PCDHA13: variants seen among roughly 807,000 people sequenced by gnomAD.
PCDHA13 encodes the protein protocadherin alpha-13.
PCDHA13 carries 54 observed loss-of-function variants against 64.8 expected under a neutral mutation model. The ratio of observed to expected loss-of-function variants is 0.83; its 90% CI spans 0.67 to 1.04. The LOEUF (loss-of-function observed/expected upper bound fraction) is 1.04. PCDHA13 is among the 50% of genes least tolerant of loss of function. The pLI is 0.00. For missense variants in PCDHA13, 1,248 were observed against 1,254.3 expected (o/e 0.99, Z 0.08); for synonymous variants, 587 against 564.4 (o/e 1.04, Z -0.57).
chr5:140,938,977 A>C (rs1205824371), intron 1 of PCDHA13, among the ~76,000 whole-genome samples: 1 of 152,190 alleles, frequency 6.6e-6, no homozygotes, highest in Admixed American at 6.5e-5. Flanking sequence ...CATCAAGGCT[A>C]TCCTGGCTTT....
intron 1 of PCDHA13, among the ~76,000 whole-genome samples, chr5:140,922,023 T>TA (rs530025575): frequency 3.9e-5 from 6 of 151,968 alleles, no homozygotes; most frequent in African/African-American, 1.4e-4. Flanking sequence ...AAAATAAATA[T>TA]AAAAAATGTA....
At chr5:140,942,757 T>C (rs2093364947) in intron 1 of PCDHA13, among the ~76,000 whole-genome samples, 1 of 152,174 alleles carries the variant, frequency 6.6e-6, no homozygotes, top group South Asian at 2.1e-4. Context: ...ATAAATGAGA[T>C]GGCATAATGT....
At chr5:140,998,056 C>T (rs1162882949) in intron 3 of PCDHA13, among the ~76,000 whole-genome samples, 1 of 152,160 alleles carries the variant, frequency 6.6e-6, no homozygotes, top group Non-Finnish European at 1.5e-5. Context: ...GTGACATCAT[C>T]ATCAACAGAC....
At chr5:140,981,336 G>A (rs1332617891) in intron 2 of PCDHA13, among the ~76,000 whole-genome samples, 1 of 152,188 alleles carries the variant, frequency 6.6e-6, no homozygotes, top group Non-Finnish European at 1.5e-5. Context: ...CACTTTGGGA[G>A]GGTGAGGCAG....
intron 1 of PCDHA13, among the ~76,000 whole-genome samples, chr5:140,890,952 G>C (rs555852578): frequency 1.9e-4 from 29 of 152,236 alleles, no homozygotes; most frequent in African/African-American, 7.0e-4. Context: ...GGTGAGGAAT[G>C]ATTTCAGGTT....
chr5:140,906,702 T>C (rs1315678574), intron 1 of PCDHA13, among the ~76,000 whole-genome samples: 2 of 152,232 alleles, frequency 1.3e-5, no homozygotes, highest in African/African-American at 2.4e-5. Context: ...GGGCCATTTG[T>C]AGTCCTGCCT....
chr5:140,943,006 C>G (rs1314561126), intron 1 of PCDHA13, among the ~76,000 whole-genome samples: 1 of 151,932 alleles, frequency 6.6e-6, no homozygotes, highest in East Asian at 1.9e-4. Context: ...CCTGTAATCC[C>G]AGCACTTTGG....
Position 140,882,606 on chromosome 5 carries a change from C to T in PCDHA13, c.338C>T (p.Pro113Leu). The change falls in exon 1 of 4, where the codon CCT becomes CTT. Residue 113 changes from proline (P) to leucine (L), a missense_variant. Pro to Leu is a moderately conservative substitution (Grantham distance 98). Transcript: ENST00000289272. ...SIHLEVIVDR[P>L]LQVFHVEVKV... is the part of the protein sequence containing the mutation. ...CACCTGGAGGTGATCGTGGACAGGC[C>T]TCTGCAGGTTTTCCATGTGGAGGTG... 2 of 1,614,238 alleles carry T rather than the reference C, an allele frequency of 1.2e-6. No homozygotes were observed. The highest frequency in any genetic ancestry group is 1.7e-6 in the Non-Finnish European group (2 of 1,180,044).
intron 1 of PCDHA13, among the ~76,000 whole-genome samples, chr5:140,905,327 TG>T (rs2071747762): frequency 6.6e-6 from 1 of 152,202 alleles, no homozygotes; most frequent in Non-Finnish European, 1.5e-5. Context: ...TATGCTTTGT[TG>T]AAGATCAGTT....
chr5:140,901,069 T>C (rs1175492593), intron 1 of PCDHA13, among the ~76,000 whole-genome samples: 2 of 152,186 alleles, frequency 1.3e-5, no homozygotes, highest in Admixed American at 6.5e-5. Context: ...GATTTTTTTT[T>C]CTATAGAGTT....
chr5:140,917,936 A>G (rs155801), intron 1 of PCDHA13, among the ~76,000 whole-genome samples: 49,654 of 151,910 alleles, frequency 0.33, 8,386 homozygotes, highest in East Asian at 0.53. Context: ...GAAAAATAAT[A>G]TTGGTAGTTT....
At chr5:140,929,015 A>C (rs1563111690) in intron 1 of PCDHA13, 3 of 1,614,016 alleles carry the variant, frequency 1.9e-6, no homozygotes, top group African/African-American at 1.3e-5. Flanking sequence ...ACCAAGTTGC[A>C]CCAGAGCCCA....
intron 1 of PCDHA13, among the ~76,000 whole-genome samples, chr5:140,934,801 A>G (rs1470129792): frequency 1.3e-5 from 2 of 152,194 alleles, no homozygotes; most frequent in Non-Finnish European, 2.9e-5. Flanking sequence ...TATCTTTTTA[A>G]TGATCAAATT....
intron 1 of PCDHA13, among the ~76,000 whole-genome samples, chr5:140,897,595 A>C (rs2066215346): frequency 6.6e-6 from 1 of 152,132 alleles, no homozygotes; most frequent in Admixed American, 6.5e-5. Context: ...TCATTGTTGG[A>C]CATTTGGGTT....
chr5:140,988,193 A>G (rs528689173), intron 3 of PCDHA13, among the ~76,000 whole-genome samples: 4 of 152,192 alleles, frequency 2.6e-5, no homozygotes, highest in South Asian at 2.1e-4. Flanking sequence ...AGGTGTGTGC[A>G]TATCCTTATT....
intron 1 of PCDHA13, among the ~76,000 whole-genome samples, chr5:140,907,240 A>G (rs563432322): frequency 5.3e-5 from 8 of 152,310 alleles, no homozygotes; most frequent in Admixed American, 5.2e-4. Context: ...CCTAGTTGAC[A>G]TTGTAATTGT....
Position 140,882,939 on chromosome 5 carries a change from G to T in PCDHA13, c.671G>T (p.Gly224Val). ...GATGGAGGTAAACCCGAGCTGACTGGCACAGTTCAGCTGCTCATCACGATT... is the reference window on the plus strand; with the variant it reads ...GATGGAGGTAAACCCGAGCTGACTGTCACAGTTCAGCTGCTCATCACGATT... ...ASDGGKPELTGTVQLLITILD... is the reference protein window; with the variant it reads ...ASDGGKPELTVTVQLLITILD... Residue 224 changes from glycine (G) to valine (V), a missense_variant, in exon 1 of 4, where the codon GGC becomes GTC. Gly to Val is a moderately radical substitution (Grantham distance 109). Coordinates refer to ENST00000289272, the MANE Select transcript of PCDHA13 (RefSeq NM_018904.3). 2.5e-6 allele frequency: 4 copies of T among 1,614,164 alleles called. No individual in the cohort carries two copies. The highest frequency in any genetic ancestry group is 3.4e-6 in the Non-Finnish European group (4 of 1,180,038).
intron 1 of PCDHA13, among the ~76,000 whole-genome samples, chr5:140,907,507 T>C (rs1358466312): frequency 2.0e-5 from 3 of 152,230 alleles, no homozygotes; most frequent in Admixed American, 6.5e-5. Context: ...TAAGTGTCTA[T>C]TCCAGTGAGG....
chr5:140,927,172 G>C (rs782548172), intron 1 of PCDHA13: 2 of 1,614,034 alleles, frequency 1.2e-6, no homozygotes, highest in African/African-American at 2.7e-5. Flanking sequence ...AGCTGCCTGC[G>C]TCTTGACCTA....
Sources: gnomAD v4.1 joint callset for allele counts (sites outside exome capture counted in the v4.1 genomes callset) on GRCh38, gnomAD v4.1.1 for gene constraint, MANE v1.5 for transcripts, NCBI Gene and HGNC (gene_info 2026-07-23, HGNC 2026-07-21) for gene names.